The following NECAB1 variants were observed in gnomAD, a reference collection of about 807,000 sequenced individuals.
The protein encoded by NECAB1 is N-terminal EF-hand calcium binding protein 1.
In NECAB1, 29 loss-of-function variants were observed where a neutral mutation model predicts 57.5. That is an observed-to-expected ratio of 0.50 (90% CI 0.38 to 0.69). The LOEUF (loss-of-function observed/expected upper bound fraction) is 0.69, where lower values mean the gene tolerates loss of function less well. Among genes scored for constraint, NECAB1 ranks in the 30% least tolerant of loss-of-function variants. NECAB1 has a pLI of 0.00. For synonymous variants in NECAB1, 142 were observed against 147.7 expected, an observed-to-expected ratio of 0.96 and a Z score of 0.28; for missense variants, 372 against 413.8, an observed-to-expected ratio of 0.90 and a Z score of 0.88.
intron 1 of NECAB1, among the ~76,000 whole-genome samples, chr8:90,795,340 C>T (rs1042682358): frequency 7.2e-5 from 11 of 152,114 alleles, no homozygotes; most frequent in Non-Finnish European, 1.3e-4. Flanking sequence ...CATCAGTTTT[C>T]CTTTGATTTT....
rs1425340109 is a variant in NECAB1, at chr8:90,810,708, G to C, written c.124+8993G>C. 2.0e-5 allele frequency among the ~76,000 whole-genome samples: 3 copies of C among 151,914 alleles called. No individual in the cohort carries two copies. The East Asian group carries it at 5.8e-4, about 29-fold the overall frequency. On this transcript the variant is annotated intron_variant, in intron 2 of 12. Transcript: ENST00000417640. ...AAGGAAGGCAGACTATAAAAAAACT[G>C]AGCCCTTACAAAATTTTACGTTACT...
chr8:90,800,452 G>A (rs1811741951), intron 1 of NECAB1, among the ~76,000 whole-genome samples: 1 of 152,174 alleles, frequency 6.6e-6, no homozygotes, highest in African/African-American at 2.4e-5. Context: ...GATGTTGGCT[G>A]TGGGTTTGGC....
intron 3 of NECAB1, among the ~76,000 whole-genome samples, chr8:90,841,912 A>T (rs530970314): frequency 6.6e-6 from 1 of 152,230 alleles, no homozygotes; most frequent in Non-Finnish European, 1.5e-5. Flanking sequence ...ACCCTGAATT[A>T]TCCTTAGCAA....
At chr8:90,809,039 A>G (rs549673631) in intron 2 of NECAB1, among the ~76,000 whole-genome samples, 46 of 152,320 alleles carry the variant, frequency 3.0e-4, no homozygotes, top group African/African-American at 8.7e-4. Flanking sequence ...AGGTCTGTCC[A>G]TGACCACCTT....
chr8:90,900,850 G>T (rs547027187), intron 5 of NECAB1, among the ~76,000 whole-genome samples: 33 of 152,264 alleles, frequency 2.2e-4, no homozygotes, highest in Middle Eastern at 3.4e-3. Context: ...GTGCCTACTT[G>T]AAATTTCTTT....
At chr8:90,822,603 CT>C (rs1230066661) in intron 2 of NECAB1, among the ~76,000 whole-genome samples, 3 of 151,834 alleles carry the variant, frequency 2.0e-5, no homozygotes, top group Non-Finnish European at 4.4e-5. Flanking sequence ...TTAATCGATG[CT>C]TTTATTTGAT....
At chr8:90,951,846 T>G (rs1485117242) in intron 12 of NECAB1, among the ~76,000 whole-genome samples, 1 of 152,154 alleles carries the variant, frequency 6.6e-6, no homozygotes, top group Non-Finnish European at 1.5e-5. Context: ...GAGAAGTGAT[T>G]ACTTCTTTAA....
intron 5 of NECAB1, among the ~76,000 whole-genome samples, chr8:90,915,802 T>C (rs890731020): frequency 2.6e-5 from 4 of 152,186 alleles, no homozygotes; most frequent in Admixed American, 2.6e-4. Flanking sequence ...TGACAGCCCC[T>C]GGCAAACTAC....
intron 3 of NECAB1, among the ~76,000 whole-genome samples, chr8:90,845,353 G>A (rs10956781): frequency 0.32 from 49,109 of 151,964 alleles, 9,169 homozygotes; most frequent in East Asian, 0.73. Context: ...ATAATAGCAG[G>A]TGCTGTGGGG....
rs1282767003 is a variant in NECAB1 at position 90,958,208 on chromosome 8, C to T, written c.*2696C>T. The T allele has an allele frequency of 1.3e-5, 2 of 150,302 alleles. No homozygotes were observed. The highest frequency in any genetic ancestry group is 2.1e-4 in the South Asian group (1 of 4,800). 9.3% of individuals were successfully genotyped at this position (150,302 alleles called of 1,614,324 possible). A position where few individuals can be genotyped will look rare whatever the true frequency, so the allele number is the denominator to read the frequency against. ...TGTTCATCCATATATAAGAAATTAT[C>T]GAATTAAAACTTAATGTATGTCAAT... On this transcript the variant is annotated 3_prime_UTR_variant, in exon 13 of 13. Coordinates refer to ENST00000417640, the MANE Select transcript of NECAB1 (RefSeq NM_022351.5).
chr8:90,921,514 C>T (rs1011726222), intron 6 of NECAB1, among the ~76,000 whole-genome samples: 1 of 151,940 alleles, frequency 6.6e-6, no homozygotes, highest in Non-Finnish European at 1.5e-5. Flanking sequence ...ACTCAAAATA[C>T]AAAGAAATTA....
intron 8 of NECAB1, among the ~76,000 whole-genome samples, chr8:90,928,860 C>A (rs924765219): frequency 6.6e-6 from 1 of 152,044 alleles, no homozygotes; most frequent in African/African-American, 2.4e-5. Flanking sequence ...ATTTTATGTT[C>A]TTAGTTATTG....
rs57808023 is a variant in NECAB1, at chr8:90,906,876, C to CATATATATATATATATATAT, written c.358-10601_358-10582dup. 5.7e-5 allele frequency among the ~76,000 whole-genome samples: 7 copies of CATATATATATATATATATAT among 121,752 alleles called. No individual in the cohort carries two copies. The South Asian group carries it at 8.1e-4, about 14-fold the overall frequency. The allele number at this position is 121,752 out of a possible 152,430, so 79.9% of individuals were successfully genotyped here. A position where few individuals can be genotyped will look rare whatever the true frequency, so the allele number is the denominator to read the frequency against. On this transcript the variant is annotated intron_variant, in intron 5 of 12. Coordinates refer to ENST00000417640, the MANE Select transcript of NECAB1 (RefSeq NM_022351.5). Reference sequence around the variant, plus strand: ...ACCTTTTCCTTACATATGATATACACATATATATATATATATATATATATA... The same window carrying CATATATATATATATATATAT: ...ACCTTTTCCTTACATATGATATACACATATATATATATATATATATATATATATATATATATATATATATA...
At chr8:90,869,423 C>T (rs886825043) in intron 3 of NECAB1, among the ~76,000 whole-genome samples, 1 of 152,192 alleles carries the variant, frequency 6.6e-6, no homozygotes, top group Non-Finnish European at 1.5e-5. Context: ...CACAAGTACT[C>T]AATGTCAGCC....
chr8:90,907,122 TTGTGTGTGTGTGTG>T (rs111590584), intron 5 of NECAB1, among the ~76,000 whole-genome samples: 1 of 129,798 alleles, frequency 7.7e-6, no homozygotes, highest in Non-Finnish European at 1.6e-5. Flanking sequence ...CCACCCAATT[TTGTGTGTGTGTGTG>T]TGTGTGTGTG....
intron 12 of NECAB1, among the ~76,000 whole-genome samples, chr8:90,955,067 A>G (rs1177252333): frequency 2.2e-5 from 3 of 139,408 alleles, no homozygotes; most frequent in Non-Finnish European, 3.1e-5. Context: ...GTATAAATAT[A>G]TGGTATTTCT....
At chr8:90,900,332 C>T (rs1809470708) in intron 5 of NECAB1, among the ~76,000 whole-genome samples, 1 of 152,146 alleles carries the variant, frequency 6.6e-6, no homozygotes, top group Non-Finnish European at 1.5e-5. Context: ...GTAGGCATGA[C>T]AGAATTGCTT....
chr8:90,901,975 G>T (rs2130026684), intron 5 of NECAB1, among the ~76,000 whole-genome samples: 1 of 152,198 alleles, frequency 6.6e-6, no homozygotes, highest in South Asian at 2.1e-4. Flanking sequence ...GCAAAAGGAT[G>T]TTTTATTTCC....
rs1349506596 is a variant in NECAB1 at position 90,791,881 on chromosome 8, C to T, written c.-6C>T. 1 of 1,549,998 alleles carries T rather than the reference C, an allele frequency of 6.5e-7. No homozygotes were observed. The highest frequency in any genetic ancestry group is 8.7e-7 in the Non-Finnish European group (1 of 1,146,766). ...GCTCCGCCTGAGGCCGTCAGGGCTC[C>T]CGAGGATGGAAGATTCCCAGGAGAC... On this transcript the variant is annotated 5_prime_UTR_variant, in exon 1 of 13. Transcript: ENST00000417640.
Sources: allele counts gnomAD v4.1 joint callset (sites outside exome capture counted in the v4.1 genomes callset), GRCh38; gene constraint gnomAD v4.1.1; transcripts MANE v1.5; gene names NCBI Gene and HGNC (gene_info 2026-07-23, HGNC 2026-07-21).